The following PCAT6 variants were observed in gnomAD, a reference collection of about 807,000 sequenced individuals.
PCAT6 encodes KDM5B antisense RNA 1 (head to head).
exon 1 of PCAT6, chr1:202,811,385 A>G: frequency 2.5e-6 from 1 of 398,636 alleles, no homozygotes; most frequent in Non-Finnish European, 4.4e-6. Flanking sequence ...CCGCGTTGCG[A>G]AGACCACGCT....
Sources: gnomAD v4.1 joint callset for allele counts on GRCh38, gnomAD v4.1.1 for gene constraint, MANE v1.5 for transcripts, NCBI Gene and HGNC (gene_info 2026-07-23, HGNC 2026-07-21) for gene names.